The following DOCK10 variants were observed in gnomAD, a reference collection of about 807,000 sequenced individuals.
DOCK10 encodes dedicator of cytokinesis protein 10.
A neutral mutation model predicts 280.1 loss-of-function variants in DOCK10; 145 were observed. That is an observed-to-expected ratio of 0.52 (90% confidence interval 0.45 to 0.59). DOCK10 has a LOEUF of 0.59. Among genes scored for constraint, DOCK10 ranks in the 20% least tolerant of loss-of-function variants. DOCK10 has a pLI of 0.00. For synonymous variants in DOCK10, 915 were observed against 942.2 expected (o/e 0.97, Z 0.53); for missense variants, 2,368 against 2,651.7 (o/e 0.89, Z 2.35).
chr2:224,780,122 G>A (rs1471351417), intron 50 of DOCK10, among the ~76,000 whole-genome samples: 2 of 152,148 alleles, frequency 1.3e-5, no homozygotes, highest in Non-Finnish European at 2.9e-5. Flanking sequence ...CAATTTCTTC[G>A]AGAAATGTTC....
At chr2:224,830,511 AT>A in intron 27 of DOCK10, 29 bp downstream of exon 27, 1 of 1,178,354 alleles carries the variant, frequency 8.5e-7, no homozygotes. Context: ...TTGTAAAAAT[AT>A]TATAATATTA....
rs561236673 is a variant in DOCK10 at position 225,039,322 on chromosome 2, A to G, written c.123+2930T>C. Reference sequence around the variant, plus strand: ...ACAATCAGGAATGAGATTTCAGGAAATTATGAGAACTTGACATGATCCTTT... The same window carrying G: ...ACAATCAGGAATGAGATTTCAGGAAGTTATGAGAACTTGACATGATCCTTT... On this transcript the variant is annotated intron_variant, in intron 1 of 55. Coordinates refer to ENST00000258390, the MANE Select transcript of DOCK10 (RefSeq NM_014689.3). Among the ~76,000 whole-genome samples, 4 of 152,372 alleles carry G rather than the reference A, an allele frequency of 2.6e-5. No individual in the cohort carries two copies. In the South Asian group the frequency reaches 8.3e-4, roughly 32 times the overall value.
rs35689409 is a variant in DOCK10, at chr2:224,957,285, G to GCCCC, written c.124-25621_124-25618dup. On this transcript the variant is annotated intron_variant, in intron 1 of 55. Transcript: ENST00000258390. ...ATCTAGTATTTAGTTTTTACTTTCC[G>GCCCC]CCCCCCCCCGGCTTTGTTTTTCGGA... 4.7e-3 allele frequency among the ~76,000 whole-genome samples: 554 copies of GCCCC among 118,158 alleles called. 24 individuals carry two copies. The highest frequency in any genetic ancestry group is 6.7e-3 in the Non-Finnish European group (371 of 54,990). 77.5% of individuals were successfully genotyped at this position (118,158 alleles called of 152,430 possible).
intron 16 of DOCK10, among the ~76,000 whole-genome samples, chr2:224,853,780 G>A (rs7561828): frequency 6.6e-6 from 1 of 152,214 alleles, no homozygotes; most frequent in African/African-American, 2.4e-5. Context: ...TTGTGGTACT[G>A]AAAGACCAAG....
At chr2:224,860,140 A>G (rs1055363439) in intron 14 of DOCK10, among the ~76,000 whole-genome samples, 3 of 152,206 alleles carry the variant, frequency 2.0e-5, no homozygotes, top group Non-Finnish European at 4.4e-5. Flanking sequence ...TCCAAGGAAT[A>G]ATTTCAATAG....
At chr2:224,952,907 C>T (rs6704811) in intron 1 of DOCK10, among the ~76,000 whole-genome samples, 6,079 of 152,290 alleles carry the variant, frequency 0.04, 400 homozygotes, top group African/African-American at 0.14. Flanking sequence ...TATGTTTTAA[C>T]ATGCTCAATT....
intron 1 of DOCK10, among the ~76,000 whole-genome samples, chr2:224,961,296 C>T (rs990297808): frequency 1.3e-5 from 2 of 152,200 alleles, no homozygotes; most frequent in African/African-American, 4.8e-5. Flanking sequence ...GACCTTCTCA[C>T]TGCAGAATTC....
intron 41 of DOCK10, among the ~76,000 whole-genome samples, chr2:224,798,279 T>C (rs1400651521): frequency 6.6e-6 from 1 of 152,172 alleles, no homozygotes; most frequent in African/African-American, 2.4e-5. Context: ...CAAAGGGGCC[T>C]GCCCTGGAGA....
intron 1 of DOCK10, among the ~76,000 whole-genome samples, chr2:224,988,840 C>A (rs1309770251): frequency 6.6e-6 from 1 of 152,188 alleles, no homozygotes; most frequent in East Asian, 1.9e-4. Flanking sequence ...GAAGTGTTCA[C>A]TGGCAGCAGT....
chr2:224,795,896 G>A (rs946620697), intron 44 of DOCK10, among the ~76,000 whole-genome samples: 1 of 152,090 alleles, frequency 6.6e-6, no homozygotes, highest in South Asian at 2.1e-4. Context: ...AAATCCTCTT[G>A]TTCTAGGCCA....
chr2:225,003,387 A>G (rs1287603893), intron 1 of DOCK10, among the ~76,000 whole-genome samples: 2 of 152,192 alleles, frequency 1.3e-5, no homozygotes, highest in East Asian at 1.9e-4. Context: ...AAACATCCCC[A>G]TGGAGATCCT....
rs528717639 is a variant in DOCK10 at position 224,801,968 on chromosome 2, T to A, written c.4341A>T (p.Lys1447Asn). The A allele has an allele frequency of 4.2e-5, 68 of 1,613,246 alleles. No homozygotes were observed. The South Asian group carries it at 5.4e-4, about 13-fold the overall frequency. Residue 1447 changes from lysine (K) to asparagine (N), a missense_variant, in exon 40 of 56, where the codon AAA (lysine) becomes AAT (asparagine). Physicochemically the swap from Lys to Asn is moderately conservative, Grantham distance 94. Coordinates refer to ENST00000258390, the MANE Select transcript of DOCK10 (RefSeq NM_014689.3). ...AGAGTTTGGGGTTAGAAAGTGCATT[T>A]TTGCCTCGAATTATAGGTAAAGTTT... is the stretch of plus-strand genomic sequence containing the variant. ...RSQTLPIIRG[K>N]NALSNPKLLQ...
Position 224,794,967 on chromosome 2 carries a change from G to T in DOCK10, c.5066C>A (p.Ala1689Glu). 1 of 1,613,894 alleles carries T rather than the reference G, an allele frequency of 6.2e-7. No individual in the cohort carries two copies. The highest frequency in any genetic ancestry group is 8.5e-7 in the Non-Finnish European group (1 of 1,179,856). Reference sequence around the variant, plus strand: ...TTCAGGAGTGCTTGCGTAGGAGTTTGCCAGGCTGTACTGGAGATCCACCAG... The same window carrying T: ...TTCAGGAGTGCTTGCGTAGGAGTTTTCCAGGCTGTACTGGAGATCCACCAG... ...EMLVDLQYSL[A>E]NSYASTPELR... Residue 1689 changes from alanine (A) to glutamate (E), a missense_variant, in exon 45 of 56, where the codon GCA (alanine) becomes GAA (glutamate). Around this residue, in one of 2 missense-constraint regions of DOCK10, gnomAD observed 1,159 missense variants for 1,400.8 expected, o/e 0.83. Coordinates refer to ENST00000258390, the MANE Select transcript of DOCK10 (RefSeq NM_014689.3).
intron 1 of DOCK10, among the ~76,000 whole-genome samples, chr2:225,029,836 CAAAAGCTTAG>C (rs1217286947): frequency 2.6e-5 from 4 of 152,088 alleles, no homozygotes; most frequent in Admixed American, 6.6e-5. Context: ...ATAAAACTCA[CAAAAGCTTAG>C]AAAATACAGA....
intron 7 of DOCK10, among the ~76,000 whole-genome samples, chr2:224,884,886 G>A (rs754505420): frequency 1.3e-5 from 2 of 152,104 alleles, no homozygotes; most frequent in Admixed American, 6.5e-5. Flanking sequence ...TTATCTCAGG[G>A]GTTCTCTACA....
rs1553568053 is a variant in DOCK10 at position 224,801,299 on chromosome 2, A to AAAC, written c.4393+616_4393+617insGTT. Among the ~76,000 whole-genome samples the AAAC allele has an allele frequency of 7.2e-4, 110 of 151,866 alleles. 1 individual carries two copies. Among genetic ancestry groups the AAAC allele is most frequent in the African/African-American group, 2.4e-3 (101 of 41,310 alleles). On this transcript the variant is annotated intron_variant, in intron 40 of 55. Transcript: ENST00000258390. Reference sequence around the variant, plus strand: ...AGACATGGCAAAAAAAAAAAAAAAAAAAAACATATTTGGGGATAAAATATT... The same window carrying AAAC: ...AGACATGGCAAAAAAAAAAAAAAAAAAACAAAACATATTTGGGGATAAAATATT...
chr2:224,814,447 T>G (rs1014150873), intron 30 of DOCK10, 83 bp from the exon 31 acceptor site: 39 of 673,694 alleles, frequency 5.8e-5, no homozygotes, highest in Admixed American at 1.1e-4. Context: ...TAGTTTATAC[T>G]GAACAATTAA....
At chr2:224,843,975 A>G (rs920918125) in intron 22 of DOCK10, among the ~76,000 whole-genome samples, 2 of 152,196 alleles carry the variant, frequency 1.3e-5, no homozygotes, top group Non-Finnish European at 2.9e-5. Context: ...TATCAGAGGT[A>G]AAGTGACTTG....
Position 224,896,043 on chromosome 2 carries a change from A to G in DOCK10, c.416+252T>C, listed in dbSNP as rs1009442491. On this transcript the variant is annotated intron_variant, in intron 4 of 55. Coordinates refer to ENST00000258390, the MANE Select transcript of DOCK10 (RefSeq NM_014689.3). ...AAACAGCTCACAGAATAATAATACAATGATAAATGAACGTCAAAACTACAT... is the reference window on the plus strand; with the variant it reads ...AAACAGCTCACAGAATAATAATACAGTGATAAATGAACGTCAAAACTACAT... Among the ~76,000 whole-genome samples the G allele has an allele frequency of 3.3e-5, 5 of 152,174 alleles. No homozygotes were observed. In the South Asian group the frequency reaches 6.2e-4, roughly 19 times the overall value.
Sources: allele counts gnomAD v4.1 joint callset (sites outside exome capture counted in the v4.1 genomes callset), GRCh38; gene constraint gnomAD v4.1.1; regional missense constraint gnomAD v4.1.1; transcripts MANE v1.5; gene names NCBI Gene and HGNC (gene_info 2026-07-23, HGNC 2026-07-21).